Variants in EPB41L5 observed in about 807,000 individuals in gnomAD.
EPB41L5 encodes band 4.1-like protein 5.
EPB41L5 carries 55 observed loss-of-function variants against 106.6 expected under a neutral mutation model. That is an observed-to-expected ratio of 0.52 (90% CI 0.42 to 0.65). EPB41L5 has a LOEUF of 0.65. Ranked by LOEUF, EPB41L5 falls within the 30% of genes least tolerant of loss-of-function variation. The probability of loss-of-function intolerance (pLI) is 0.00; values close to 1 mark genes in which losing one functional copy is unlikely to be tolerated. For synonymous variants in EPB41L5, 297 were observed against 306.7 expected, an observed-to-expected ratio of 0.97 and a Z score of 0.33; for missense variants, 871 against 882.1, an observed-to-expected ratio of 0.99 and a Z score of 0.16.
chr2:120,033,340 T>G (rs1678838789), intron 2 of EPB41L5, among the ~76,000 whole-genome samples: 1 of 152,240 alleles, frequency 6.6e-6, no homozygotes, highest in African/African-American at 2.4e-5. Context: ...AAAAATTACA[T>G]GCTATCTCTA....
chr2:120,064,736 A>G (rs574008734), intron 3 of EPB41L5, among the ~76,000 whole-genome samples: 2 of 152,324 alleles, frequency 1.3e-5, no homozygotes, highest in Admixed American at 6.5e-5. Flanking sequence ...CTAGTAATCT[A>G]TATCTGTGTG....
intron 16 of EPB41L5, among the ~76,000 whole-genome samples, chr2:120,121,232 C>T (rs1002143760): frequency 6.6e-6 from 1 of 152,166 alleles, no homozygotes; most frequent in Non-Finnish European, 1.5e-5. Flanking sequence ...TACTTAAGTT[C>T]TAGGGCACAT....
chr2:120,104,516 A>T, intron 16 of EPB41L5: 1 of 1,068,926 alleles, frequency 9.4e-7, no homozygotes, highest in East Asian at 6.8e-5. Context: ...GTATGTTCAC[A>T]CATCACCAGA....
At chr2:120,166,460 G>GTTT (rs375453000) in intron 22 of EPB41L5, among the ~76,000 whole-genome samples, 3 of 144,524 alleles carry the variant, frequency 2.1e-5, no homozygotes, top group African/African-American at 7.6e-5. Context: ...GATTTTGTGG[G>GTTT]TTTTTTTTTT....
intron 10 of EPB41L5, among the ~76,000 whole-genome samples, chr2:120,084,166 T>TCATTA (rs1682891723): frequency 6.6e-6 from 1 of 152,190 alleles, no homozygotes; most frequent in South Asian, 2.1e-4. Flanking sequence ...GCTAACATGC[T>TCATTA]GTGATGTTAG....
intron 3 of EPB41L5, among the ~76,000 whole-genome samples, chr2:120,045,013 T>G (rs187882854): frequency 1.4e-4 from 21 of 152,202 alleles, no homozygotes; most frequent in African/African-American, 4.8e-4. Context: ...ATCAGCTTGT[T>G]GTGTGGCCAT....
chr2:120,030,506 C>G (rs1322056857), intron 2 of EPB41L5, among the ~76,000 whole-genome samples: 1 of 152,164 alleles, frequency 6.6e-6, no homozygotes, highest in African/African-American at 2.4e-5. Context: ...CATCTTCAAC[C>G]TGACCAGTCA....
chr2:120,020,432 A>G lies in EPB41L5; in HGVS notation c.180+1168A>G, dbSNP rs374448733. The stretch of plus-strand genomic sequence containing the variant: ...ATATTAGAATATGATAAAATTAATC[A>G]AAGACTCAGGATTTCTTGAAGTGTT... On this transcript the variant is annotated intron_variant, in intron 2 of 24. Transcript: ENST00000263713. 6.7e-4 allele frequency among the ~76,000 whole-genome samples: 102 copies of G among 152,348 alleles called. No homozygotes were observed. In the South Asian group the frequency reaches 0.01, roughly 15 times the overall value.
intron 16 of EPB41L5, among the ~76,000 whole-genome samples, chr2:120,115,112 A>C (rs1684889587): frequency 6.6e-6 from 1 of 151,906 alleles, no homozygotes. Flanking sequence ...TGGATGGTAC[A>C]TTTTTTCCTT....
intron 2 of EPB41L5, among the ~76,000 whole-genome samples, chr2:120,027,491 A>G (rs531799131): frequency 1.3e-5 from 2 of 152,244 alleles, no homozygotes; most frequent in Non-Finnish European, 2.9e-5. Flanking sequence ...TGTAAGGGAA[A>G]GAAAATAGAT....
At chr2:120,021,158 T>C (rs931245788) in intron 2 of EPB41L5, among the ~76,000 whole-genome samples, 5 of 151,674 alleles carry the variant, frequency 3.3e-5, no homozygotes, top group African/African-American at 1.2e-4. Context: ...CTGGCCAACA[T>C]GGTGAAACCC....
chr2:120,076,338 C>A (rs1320193704), intron 7 of EPB41L5, among the ~76,000 whole-genome samples: 2 of 151,606 alleles, frequency 1.3e-5, no homozygotes, highest in Non-Finnish European at 2.9e-5. Flanking sequence ...GAGACAGGGT[C>A]TCACTCTTGT....
chr2:120,145,945 CA>C (rs11341458), intron 19 of EPB41L5, among the ~76,000 whole-genome samples: 142,894 of 150,414 alleles, frequency 0.95, 67,911 homozygotes, highest in East Asian at 1. Context: ...GACTCAATCT[CA>C]AAAAAAAAAT....
At chr2:120,044,322 T>C (rs1679625159) in intron 3 of EPB41L5, among the ~76,000 whole-genome samples, 1 of 152,162 alleles carries the variant, frequency 6.6e-6, no homozygotes, top group Non-Finnish European at 1.5e-5. Context: ...TGGCAGGGAA[T>C]TAGTCTTACG....
chr2:120,131,640 G>A lies in EPB41L5; in HGVS notation c.1524G>A (p.Lys508=). The A allele has an allele frequency of 6.2e-7, 1 of 1,613,460 alleles. No homozygotes were observed. Among genetic ancestry groups the A allele is most frequent in the Non-Finnish European group, 8.5e-7 (1 of 1,179,744 alleles). Residue 508 remains lysine, a synonymous_variant, in exon 18 of 25, where the codon AAG becomes AAA. Transcript: ENST00000263713. Reference sequence around the variant, plus strand: ...CAGCATTAAAAGACACCTCAGAGAAGCTCAAACAGCTTGAGATGGAGAACA... The same window carrying A: ...CAGCATTAAAAGACACCTCAGAGAAACTCAAACAGCTTGAGATGGAGAACA... ...EYETLKDTSE[K]LKQLEMENSP...
At position 120,019,215 on chromosome 2, in the gene EPB41L5, C is replaced by T. The variant is rs143727058; in HGVS notation, c.131C>T (p.Thr44Met). Residue 44 changes from threonine (T) to methionine (M), a missense_variant, in exon 2 of 25, where the codon ACG (threonine) becomes ATG (methionine). Coordinates refer to ENST00000263713, the MANE Select transcript of EPB41L5 (RefSeq NM_020909.4). ...GCTGGAGATTCTAAGTCCATCATCA[C>T]GTGTCGGGTGTCCCTTCTGGATGGT... Reference protein sequence around the residue: ...PAAGDSKSIITCRVSLLDGTD... With the variant: ...PAAGDSKSIIMCRVSLLDGTD... 55 of 1,614,014 alleles carry T rather than the reference C, an allele frequency of 3.4e-5. No individual in the cohort carries two copies. In the African/African-American group the frequency reaches 3.6e-4, roughly 11 times the overall value.
chr2:120,171,735 G>C (rs945142346), intron 24 of EPB41L5, among the ~76,000 whole-genome samples: 7 of 152,194 alleles, frequency 4.6e-5, no homozygotes, highest in African/African-American at 1.7e-4. Context: ...TCACCAGGGA[G>C]CCCATTCGTT....
intron 24 of EPB41L5, among the ~76,000 whole-genome samples, chr2:120,169,682 T>G (rs760166881): frequency 6.6e-6 from 1 of 152,112 alleles, no homozygotes; most frequent in African/African-American, 2.4e-5. Context: ...CACTCATATC[T>G]AGAATTTATA....
At chr2:120,034,206 A>G (rs1179716879) in intron 2 of EPB41L5, among the ~76,000 whole-genome samples, 2 of 152,228 alleles carry the variant, frequency 1.3e-5, no homozygotes, top group Admixed American at 6.5e-5. Context: ...TAACCTTGAA[A>G]AGGTTTTTGT....
Sources: gnomAD v4.1 joint callset for allele counts (sites outside exome capture counted in the v4.1 genomes callset) on GRCh38, gnomAD v4.1.1 for gene constraint, MANE v1.5 for transcripts, NCBI Gene and HGNC (gene_info 2026-07-23, HGNC 2026-07-21) for gene names.